Variants in CDH11 observed in about 807,000 individuals in gnomAD.
CDH11 encodes cadherin 11, also known as cadherin-11.
A neutral mutation model predicts 67.8 loss-of-function variants in CDH11; 11 were observed. That is an observed-to-expected ratio of 0.16 (90% CI 0.10 to 0.27). CDH11 has a LOEUF of 0.27. Ranked by LOEUF, CDH11 falls within the 10% of genes least tolerant of loss-of-function variation. The probability of loss-of-function intolerance (pLI) is 1.00; values close to 1 mark genes in which losing one functional copy is unlikely to be tolerated. For missense variants in CDH11, 847 were observed against 1,031.2 expected (o/e 0.82, Z 2.45); for synonymous variants, 419 against 400.0 (o/e 1.05, Z -0.57).
intron 1 of CDH11, among the ~76,000 whole-genome samples, chr16:65,054,155 G>A (rs943914243): frequency 4.6e-5 from 7 of 152,282 alleles, no homozygotes; most frequent in South Asian, 2.1e-4. Context: ...CATGCGTTTC[G>A]TACTTTGATG....
chr16:65,099,168 G>A (rs891084952), intron 1 of CDH11, among the ~76,000 whole-genome samples: 1 of 151,988 alleles, frequency 6.6e-6, no homozygotes, highest in African/African-American at 2.4e-5. Flanking sequence ...GCACATAGAC[G>A]GCTGTACGAT....
chr16:65,032,953 C>G (rs1373738674), intron 2 of CDH11, among the ~76,000 whole-genome samples: 1 of 152,192 alleles, frequency 6.6e-6, no homozygotes. Context: ...TAGGCATCTT[C>G]TAGACAGCCA....
At chr16:65,069,991 G>A (rs1342895799) in intron 1 of CDH11, among the ~76,000 whole-genome samples, 4 of 152,072 alleles carry the variant, frequency 2.6e-5, no homozygotes, top group African/African-American at 9.7e-5. Context: ...TTTCCCAGGA[G>A]AACTCTTGAG....
chr16:65,062,871 A>G (rs2074254526), intron 1 of CDH11, among the ~76,000 whole-genome samples: 1 of 152,138 alleles, frequency 6.6e-6, no homozygotes, highest in African/African-American at 2.4e-5. Flanking sequence ...GTGGAGACTG[A>G]TTTTCTTCAG....
chr16:65,077,601 T>C (rs2074535396), intron 1 of CDH11, among the ~76,000 whole-genome samples: 1 of 152,212 alleles, frequency 6.6e-6, no homozygotes, highest in Non-Finnish European at 1.5e-5. Context: ...ATGTACCCTG[T>C]AGTCAAGACA....
intron 2 of CDH11, among the ~76,000 whole-genome samples, chr16:65,049,881 C>T (rs1283308419): frequency 2.0e-5 from 3 of 152,146 alleles, no homozygotes; most frequent in African/African-American, 7.2e-5. Flanking sequence ...TACACATTCA[C>T]AGACAGACCC....
chr16:65,013,489 T>C (rs2073224694), intron 2 of CDH11, among the ~76,000 whole-genome samples: 1 of 151,402 alleles, frequency 6.6e-6, no homozygotes. Flanking sequence ...ACACTAGAGG[T>C]GGAAATCAGC....
At chr16:65,064,319 A>G (rs1245877334) in intron 1 of CDH11, among the ~76,000 whole-genome samples, 1 of 152,266 alleles carries the variant, frequency 6.6e-6, no homozygotes, top group African/African-American at 2.4e-5. Flanking sequence ...CCTTACCTGT[A>G]AAATGAGCAA....
At chr16:65,078,456 A>G (rs181861107) in intron 1 of CDH11, among the ~76,000 whole-genome samples, 25 of 152,276 alleles carry the variant, frequency 1.6e-4, no homozygotes, top group Non-Finnish European at 3.1e-4. Flanking sequence ...ACTTCGTATT[A>G]TATCATTCCC....
chr16:65,070,391 A>G (rs938613432), intron 1 of CDH11, among the ~76,000 whole-genome samples: 8 of 152,130 alleles, frequency 5.3e-5, no homozygotes, highest in African/African-American at 1.7e-4. Context: ...GAGTCTGACA[A>G]TCCAGGGTTC....
chr16:64,952,673 TACAC>T (rs375383391), intron 11 of CDH11, among the ~76,000 whole-genome samples: 1 of 138,550 alleles, frequency 7.2e-6, no homozygotes, highest in East Asian at 2.1e-4. Context: ...CACACACACA[TACAC>T]ACACACACTC....
At position 65,121,806 on chromosome 16, in the gene CDH11, T is replaced by A; in HGVS notation, c.-298+74A>T. The A allele has an allele frequency of 2.9e-6, 2 of 700,658 alleles. No homozygotes were observed. The highest frequency in any genetic ancestry group is 5.2e-6 in the Non-Finnish European group (2 of 383,986). 43.4% of individuals were successfully genotyped at this position (700,658 alleles called of 1,614,324 possible). A position where few individuals can be genotyped will look rare whatever the true frequency, so the allele number is the denominator to read the frequency against. On this transcript the variant is annotated intron_variant, in intron 1 of 12. Coordinates refer to ENST00000268603, the MANE Select transcript of CDH11 (RefSeq NM_001797.4). This position sits in a 1 kb window ranked among gnomAD's most constrained non-coding sequence, Gnocchi z 4.1. ...ACCCCGCCCCGCCAAGACATTCTCTTCCTGAGAAAATCCTGCCCCCCATTC... is the reference window on the plus strand; with the variant it reads ...ACCCCGCCCCGCCAAGACATTCTCTACCTGAGAAAATCCTGCCCCCCATTC...
intron 2 of CDH11, among the ~76,000 whole-genome samples, chr16:65,026,894 G>A (rs930282288): frequency 6.6e-6 from 1 of 152,152 alleles, no homozygotes; most frequent in East Asian, 1.9e-4. Context: ...TGCAAGCCCT[G>A]CAGGGAACTG....
At chr16:64,959,895 C>T (rs2071625195) in intron 11 of CDH11, among the ~76,000 whole-genome samples, 2 of 152,182 alleles carry the variant, frequency 1.3e-5, no homozygotes, top group Non-Finnish European at 1.5e-5. Context: ...TTGATTTAAT[C>T]TGAGTGAATC....
At chr16:65,111,250 T>A (rs1231787872) in intron 1 of CDH11, among the ~76,000 whole-genome samples, 1 of 152,184 alleles carries the variant, frequency 6.6e-6, no homozygotes, top group Non-Finnish European at 1.5e-5. Context: ...TTAAACAATT[T>A]TATAGATTAA....
intron 2 of CDH11, among the ~76,000 whole-genome samples, chr16:65,038,822 C>T (rs1033419545): frequency 2.8e-4 from 43 of 152,208 alleles, no homozygotes; most frequent in Non-Finnish European, 4.4e-5. Context: ...CAGACTTGGT[C>T]TCCTTTCGCT....
intron 1 of CDH11, among the ~76,000 whole-genome samples, chr16:65,056,516 T>C (rs886546676): frequency 6.6e-6 from 1 of 152,202 alleles, no homozygotes; most frequent in Non-Finnish European, 1.5e-5. Flanking sequence ...AACTCAGCAA[T>C]AGATAACTGG....
chr16:64,998,924 G>A, intron 3 of CDH11, 68 bp from the exon 4 acceptor site: 2 of 1,301,408 alleles, frequency 1.5e-6, no homozygotes, highest in Non-Finnish European at 2.2e-6. Flanking sequence ...ACTTACAAGT[G>A]ATTGCAACAA....
intron 11 of CDH11, among the ~76,000 whole-genome samples, chr16:64,963,143 G>GA (rs2071718355): frequency 1.3e-5 from 2 of 152,166 alleles, no homozygotes; most frequent in Admixed American, 6.5e-5. Context: ...AGAGATGTTG[G>GA]AATTATCCAG....
Sources: allele counts gnomAD v4.1 joint callset (sites outside exome capture counted in the v4.1 genomes callset), GRCh38; gene constraint gnomAD v4.1.1; non-coding constraint Gnocchi (gnomAD v3.1); transcripts MANE v1.5; gene names NCBI Gene and HGNC (gene_info 2026-07-23, HGNC 2026-07-21).